Variants in CFAP263 observed in about 807,000 individuals in gnomAD.
CFAP263 encodes the protein cilia- and flagella-associated protein 263.
chr16:58,254,270 GGTA>G, the CFAP263 span: 29 of 1,197,336 alleles, frequency 2.4e-5, no homozygotes, highest in Non-Finnish European at 3.5e-5. Context: ...AAGAAACACA[GGTA>G]GGATGAAGCG....
the CFAP263 span, chr16:58,250,357 T>C: frequency 4.6e-6 from 2 of 436,750 alleles, no homozygotes; most frequent in Admixed American, 4.1e-5. Flanking sequence ...ATTGGGGAAG[T>C]GAGGGTTTCA....
the CFAP263 span, among the ~76,000 whole-genome samples, chr16:58,253,290 A>G: frequency 6.6e-6 from 1 of 152,100 alleles, no homozygotes. Flanking sequence ...CTGAGGTGGG[A>G]GGATTGCTTG....
At chr16:58,267,621 T>G in the CFAP263 span, 2 of 1,303,416 alleles carry the variant, frequency 1.5e-6, no homozygotes, top group African/African-American at 2.9e-5. Flanking sequence ...TTCTGATGTT[T>G]GTCTCCTTGT....
At chr16:58,263,940 A>G in the CFAP263 span, among the ~76,000 whole-genome samples, 5 of 152,196 alleles carry the variant, frequency 3.3e-5, no homozygotes, top group African/African-American at 1.2e-4. Context: ...AGATCATGCC[A>G]TTGCACTCCA....
chr16:58,259,721 A>G, the CFAP263 span: 1 of 554,782 alleles, frequency 1.8e-6, no homozygotes, highest in Non-Finnish European at 3.2e-6. Flanking sequence ...TAGAAGTAAA[A>G]GGACCTAAAA....
the CFAP263 span, among the ~76,000 whole-genome samples, chr16:58,268,853 A>G: frequency 1.3e-5 from 2 of 152,162 alleles, no homozygotes; most frequent in Non-Finnish European, 2.9e-5. Flanking sequence ...TGCTTAGTAT[A>G]TTTTAGTTTT....
At chr16:58,280,774 A>C in the CFAP263 span, 5 of 1,580,178 alleles carry the variant, frequency 3.2e-6, no homozygotes, top group Non-Finnish European at 4.3e-6. Context: ...TAAAAGACAG[A>C]AGGCTTCAAG....
chr16:58,270,380 C>T, the CFAP263 span, among the ~76,000 whole-genome samples: 1 of 151,840 alleles, frequency 6.6e-6, no homozygotes, highest in South Asian at 2.1e-4. Context: ...TGTAATTTAT[C>T]GAACACTGTA....
chr16:58,274,925 T>G, the CFAP263 span, among the ~76,000 whole-genome samples: 4 of 152,330 alleles, frequency 2.6e-5, no homozygotes, highest in South Asian at 6.2e-4. Flanking sequence ...GCTGGTCTTC[T>G]CAGCATGTCC....
the CFAP263 span, chr16:58,280,598 C>G: frequency 1.2e-6 from 2 of 1,614,106 alleles, no homozygotes; most frequent in Non-Finnish European, 1.7e-6. Flanking sequence ...AGGGGAGGGC[C>G]GGCCCTCTCA....
the CFAP263 span, chr16:58,267,633 T>A: frequency 8.5e-7 from 1 of 1,183,322 alleles, no homozygotes; most frequent in Non-Finnish European, 1.3e-6. Context: ...TCTCCTTGTG[T>A]TTATAAGGGC....
At chr16:58,250,094 G>A in the CFAP263 span, 25 of 1,587,128 alleles carry the variant, frequency 1.6e-5, no homozygotes, top group Non-Finnish European at 2.1e-5. Context: ...ATCCAGCTGT[G>A]CGGGCTGGTG....
chr16:58,276,397 T>C, the CFAP263 span, among the ~76,000 whole-genome samples: 147 of 152,376 alleles, frequency 9.6e-4, no homozygotes, highest in Non-Finnish European at 1.6e-3. Context: ...AACATTAACA[T>C]GCACATATGC....
the CFAP263 span, among the ~76,000 whole-genome samples, chr16:58,258,039 C>T: frequency 5.6e-5 from 8 of 143,170 alleles, no homozygotes; most frequent in African/African-American, 7.9e-5. Flanking sequence ...ACCGAGGAGG[C>T]GGAGGTTGCA....
the CFAP263 span, among the ~76,000 whole-genome samples, chr16:58,272,728 C>G: frequency 6.7e-6 from 1 of 148,492 alleles, no homozygotes; most frequent in Non-Finnish European, 1.5e-5. Context: ...GGAGCTCTTT[C>G]AGTTGAATTT....
the CFAP263 span, among the ~76,000 whole-genome samples, chr16:58,277,160 G>A: frequency 2.6e-4 from 39 of 151,222 alleles, no homozygotes; most frequent in South Asian, 2.7e-3. Flanking sequence ...AGACAGTTTC[G>A]CTCTATCACT....
chr16:58,268,211 A>G, the CFAP263 span, among the ~76,000 whole-genome samples: 4 of 152,194 alleles, frequency 2.6e-5, no homozygotes, highest in Admixed American at 6.5e-5. Context: ...GAAGAGGTGA[A>G]TGGAGTCATC....
the CFAP263 span, among the ~76,000 whole-genome samples, chr16:58,266,399 ATATATATTTTTTTTTT>A: frequency 1.3e-4 from 5 of 39,318 alleles, no homozygotes; most frequent in Admixed American, 2.7e-4. Context: ...ATATATATAT[ATATATATTTTTTTTTT>A]TTTTTTTTTT....
chr16:58,266,778 G>A, the CFAP263 span, among the ~76,000 whole-genome samples: 1 of 152,124 alleles, frequency 6.6e-6, no homozygotes, highest in African/African-American at 2.4e-5. Flanking sequence ...AGCAGGGGTG[G>A]GGCCTGCAGA....
Sources: gnomAD v4.1 joint callset for allele counts (sites outside exome capture counted in the v4.1 genomes callset) on GRCh38, gnomAD v4.1.1 for gene constraint, MANE v1.5 for transcripts, NCBI Gene and HGNC (gene_info 2026-07-23, HGNC 2026-07-21) for gene names.